Variants in QPCT observed in about 807,000 individuals in gnomAD.
QPCT encodes the protein glutaminyl-peptide cyclotransferase, also known as EC.
A neutral mutation model predicts 43.4 loss-of-function variants in QPCT; 44 were observed. That is an observed-to-expected ratio of 1.01 (90% CI 0.80 to 1.30). The LOEUF is 1.30. Among genes scored for constraint, QPCT ranks in the 50% most tolerant of loss-of-function variants. The pLI, the probability that QPCT is intolerant of heterozygous loss-of-function variation, is 0.00. For synonymous variants in QPCT, 168 were observed against 168.4 expected (o/e 1.00, Z 0.02); for missense variants, 526 against 436.5 (o/e 1.21, Z -1.83).
At chr2:37,350,836 C>T (rs922616638) in intron 1 of QPCT, among the ~76,000 whole-genome samples, 7 of 152,184 alleles carry the variant, frequency 4.6e-5, no homozygotes, top group African/African-American at 1.7e-4. Flanking sequence ...TTTACTATGG[C>T]AGTTTACATA....
rs191093780 is a variant in QPCT at position 37,366,302 on chromosome 2, T to C, written c.547-930T>C. Among the ~76,000 whole-genome samples the C allele has an allele frequency of 8.1e-4, 124 of 152,296 alleles. 1 individual carries two copies. Among genetic ancestry groups the C allele is most frequent in the African/African-American group, 2.9e-3 (119 of 41,568 alleles). On this transcript the variant is annotated intron_variant, in intron 3 of 6. Coordinates refer to ENST00000338415, the MANE Select transcript of QPCT (RefSeq NM_012413.4). ...TCTTTTTAGTTCCATTCAAATACTG[T>C]CTTTTTCATAAAGCCCTCCTTGACA...
At chr2:37,347,207 C>CATATATATAACATAT (rs1672519148) in intron 1 of QPCT, among the ~76,000 whole-genome samples, 5 of 28,984 alleles carry the variant, frequency 1.7e-4, no homozygotes, top group African/African-American at 8.8e-4. Flanking sequence ...ATATATATAA[C>CATATATATAACATAT]ATATATATAA....
At chr2:37,359,460 T>A in intron 2 of QPCT, 120 bp from the exon 3 acceptor site, 1 of 860,950 alleles carries the variant, frequency 1.2e-6, no homozygotes, top group East Asian at 2.6e-5. Flanking sequence ...TTGCTATGAA[T>A]TCATTAAGTG....
intron 3 of QPCT, among the ~76,000 whole-genome samples, chr2:37,360,472 T>TTC (rs745538344): frequency 5.3e-4 from 80 of 152,290 alleles, no homozygotes; most frequent in Admixed American, 1.5e-3. Context: ...TTCTTAAGGG[T>TTC]ATATTGGAAA....
chr2:37,362,184 C>T (rs1043630470), intron 3 of QPCT, among the ~76,000 whole-genome samples: 2 of 152,180 alleles, frequency 1.3e-5, no homozygotes, highest in African/African-American at 2.4e-5. Flanking sequence ...AAACTATTTC[C>T]GTTTGCCTAT....
chr2:37,344,810 A>AG lies in QPCT; in HGVS notation c.85dup (p.Val29GlyfsTer36). ...GGTGGCCGCCCTGCCCTGGGCATCC[A>AG]GGGGGGTCAGTCCGAGTGCCTCAGC... On this transcript the variant is annotated frameshift_variant, in exon 1 of 7. Coordinates refer to ENST00000338415, the MANE Select transcript of QPCT (RefSeq NM_012413.4). LOFTEE classifies it high-confidence loss of function. 2.5e-6 allele frequency: 4 copies of AG among 1,608,466 alleles called. No individual in the cohort carries two copies. Among genetic ancestry groups the AG allele is most frequent in the East Asian group, 2.2e-5 (1 of 44,568 alleles).
Position 37,367,336 on chromosome 2 carries a change from A to G in QPCT, c.651A>G (p.Arg217=), listed in dbSNP as rs1672982702. The stretch of plus-strand genomic sequence containing the variant: ...CTCAAGATTCTCTCTATGGGTCTCG[A>G]CACTTAGCTGCAAAGATGGCATCGA... ...WSPQDSLYGS[R]HLAAKMASTP... The change falls in exon 4 of 7, where the codon CGA becomes CGG. Residue 217 remains arginine, a synonymous_variant. Transcript: ENST00000338415. The G allele has an allele frequency of 1.2e-6, 2 of 1,614,020 alleles. No individual in the cohort carries two copies. The highest frequency in any genetic ancestry group is 2.7e-5 in the African/African-American group (2 of 74,976).
intron 2 of QPCT, among the ~76,000 whole-genome samples, chr2:37,354,490 C>T (rs1205518622): frequency 6.6e-6 from 1 of 152,176 alleles, no homozygotes; most frequent in Non-Finnish European, 1.5e-5. Context: ...TTAAAAAGAT[C>T]TGAGGTTGAG....
chr2:37,365,199 C>G (rs1672937593), intron 3 of QPCT, among the ~76,000 whole-genome samples: 2 of 151,942 alleles, frequency 1.3e-5, no homozygotes, highest in Admixed American at 6.6e-5. Flanking sequence ...AACCATGGAG[C>G]AAGCCCCTGA....
chr2:37,366,222 AC>A (rs566671715), intron 3 of QPCT, among the ~76,000 whole-genome samples: 2 of 152,322 alleles, frequency 1.3e-5, no homozygotes, highest in South Asian at 4.1e-4. Flanking sequence ...AATCTGAAAG[AC>A]AGGGGTTATT....
At position 37,372,560 on chromosome 2, in the gene QPCT, G is replaced by T. The variant is rs185384055; in HGVS notation, c.940+88G>T. ...ACGGTGGGATATGAGAAAGTACACA[G>T]ATGATGATGAATTATCAGCTGTCTT... On this transcript the variant is annotated intron_variant, in intron 6 of 6. Transcript: ENST00000338415. 103 of 1,465,032 alleles carry T rather than the reference G, an allele frequency of 7.0e-5. 1 individual carries two copies. The African/African-American group carries it at 1.3e-3, about 19-fold the overall frequency. The allele number at this position is 1,465,032 out of a possible 1,614,324, so 90.8% of individuals were successfully genotyped here.
chr2:37,372,320 A>G, intron 5 of QPCT, 36 bp from the exon 6 acceptor site: 1 of 1,385,788 alleles, frequency 7.2e-7, no homozygotes, highest in Non-Finnish European at 1.0e-6. Context: ...TAAGATAAAA[A>G]TAGTTGTTCA....
chr2:37,361,550 G>A (rs72864880), intron 3 of QPCT, among the ~76,000 whole-genome samples: 1,552 of 152,276 alleles, frequency 0.01, 13 homozygotes, highest in Middle Eastern at 0.024. Context: ...TTGCTCTTCC[G>A]TGTCTTTGCC....
chr2:37,345,342 T>C (rs554579242), intron 1 of QPCT, among the ~76,000 whole-genome samples: 2 of 152,264 alleles, frequency 1.3e-5, no homozygotes, highest in South Asian at 4.1e-4. Flanking sequence ...AGGACGGATG[T>C]GTGTTGTTTG....
chr2:37,370,947 C>T (rs3770742), intron 5 of QPCT, among the ~76,000 whole-genome samples: 18,187 of 152,200 alleles, frequency 0.12, 2,111 homozygotes, highest in East Asian at 0.41. Flanking sequence ...AAATTCCTTA[C>T]TAGCCACACA....
Position 37,353,323 on chromosome 2 carries a change from G to A in QPCT, c.267+388G>A, listed in dbSNP as rs150583754. Among the ~76,000 whole-genome samples, 513 of 152,198 alleles carry A rather than the reference G, an allele frequency of 3.4e-3. 2 individuals carry two copies. The highest frequency in any genetic ancestry group is 0.012 in the African/African-American group (479 of 41,532). ...TCATTGTACTGTCAGGCCATCACTC[G>A]CCTTAGGGAAATTGTATTTTCCCTG... On this transcript the variant is annotated intron_variant, in intron 2 of 6. Coordinates refer to ENST00000338415, the MANE Select transcript of QPCT (RefSeq NM_012413.4).
chr2:37,370,429 A>G (rs532000612), intron 5 of QPCT, among the ~76,000 whole-genome samples: 2 of 152,342 alleles, frequency 1.3e-5, no homozygotes, highest in African/African-American at 4.8e-5. Context: ...TGTTTGAAGC[A>G]GGTAGAATGC....
intron 4 of QPCT, 69 bp downstream of exon 4, chr2:37,367,477 C>CA: frequency 6.8e-7 from 1 of 1,470,558 alleles, no homozygotes. Context: ...TTGCAAAAGC[C>CA]AAGTAAAGAC....
chr2:37,369,852 A>T, intron 5 of QPCT, 68 bp downstream of exon 5: 5 of 1,410,220 alleles, frequency 3.5e-6, no homozygotes, highest in Non-Finnish European at 5.0e-6. Flanking sequence ...CATTTTTAAC[A>T]TTTAAAATTT....
Sources: gnomAD v4.1 joint callset for allele counts (sites outside exome capture counted in the v4.1 genomes callset) on GRCh38, gnomAD v4.1.1 for gene constraint, MANE v1.5 for transcripts, NCBI Gene and HGNC (gene_info 2026-07-23, HGNC 2026-07-21) for gene names.